Variants in CNBD1 observed in about 807,000 individuals in gnomAD.
CNBD1 encodes cyclic nucleotide binding domain containing 1.
A neutral mutation model predicts 54.4 loss-of-function variants in CNBD1; 71 were observed. The observed-to-expected ratio is 1.30, with a 90% CI of 1.08 to 1.59. The LOEUF is 1.59. Among genes scored for constraint, CNBD1 ranks in the 40% most tolerant of loss-of-function variants. The probability of loss-of-function intolerance (pLI) is 0.00; values close to 1 mark genes in which losing one functional copy is unlikely to be tolerated. For missense variants in CNBD1, 659 were observed against 518.0 expected, an observed-to-expected ratio of 1.27 and a Z score of -2.64; for synonymous variants, 182 against 170.7, an observed-to-expected ratio of 1.07 and a Z score of -0.51.
chr8:87,403,353 C>T (rs1307687300), intron 2 of CNBD1, among the ~76,000 whole-genome samples: 1 of 151,992 alleles, frequency 6.6e-6, no homozygotes, highest in Non-Finnish European at 1.5e-5. Context: ...ATATATGGCA[C>T]TTGTCGTAGA....
chr8:87,084,606 T>C (rs1178138837), intron 4 of CNBD1, among the ~76,000 whole-genome samples: 1 of 152,164 alleles, frequency 6.6e-6, no homozygotes, highest in Non-Finnish European at 1.5e-5. Context: ...TTCTGTCTGC[T>C]TTCAAGATTT....
chr8:86,966,464 A>G (rs895434429), intron 4 of CNBD1, among the ~76,000 whole-genome samples: 2 of 152,044 alleles, frequency 1.3e-5, no homozygotes, highest in African/African-American at 4.8e-5. Flanking sequence ...AGATGTTCAG[A>G]TGTGTCTGGA....
At position 87,327,412 on chromosome 8, in the gene CNBD1, G is replaced by A. The variant is rs542371891; in HGVS notation, c.1043-24273G>A. 1.0e-3 allele frequency among the ~76,000 whole-genome samples: 155 copies of A among 152,172 alleles called. 1 individual carries two copies. Among genetic ancestry groups the A allele is most frequent in the African/African-American group, 3.3e-3 (135 of 41,528 alleles). On this transcript the variant is annotated intron_variant, in intron 8 of 10. Transcript: ENST00000518476. ...GCGCCCCTCCCCCACCCTCGCTGCT[G>A]CCTTGCAGTTTGATCTCAGACTGCT...
At chr8:86,990,018 G>A (rs911482380) in intron 4 of CNBD1, among the ~76,000 whole-genome samples, 7 of 152,028 alleles carry the variant, frequency 4.6e-5, no homozygotes, top group Non-Finnish European at 7.4e-5. Flanking sequence ...TGTCTAATCC[G>A]ATCTTTTGCC....
intron 4 of CNBD1, among the ~76,000 whole-genome samples, chr8:87,097,797 T>A (rs1168417828): frequency 3.3e-5 from 5 of 152,192 alleles, no homozygotes; most frequent in Admixed American, 3.3e-4. Context: ...CCTGCAGTAA[T>A]CAGGAACTAA....
chr8:87,381,874 G>C (rs1049897625), intron 10 of CNBD1, among the ~76,000 whole-genome samples: 1 of 151,900 alleles, frequency 6.6e-6, no homozygotes, highest in Non-Finnish European at 1.5e-5. Context: ...ACTAATCCAT[G>C]GGCATAAAGT....
chr8:87,279,482 G>C (rs1808549527), intron 6 of CNBD1, among the ~76,000 whole-genome samples: 2 of 151,308 alleles, frequency 1.3e-5, no homozygotes, highest in South Asian at 2.1e-4. Flanking sequence ...TACCCTGTAT[G>C]ATTACCCACC....
intron 4 of CNBD1, among the ~76,000 whole-genome samples, chr8:87,087,891 G>T (rs1350852381): frequency 6.6e-6 from 1 of 152,158 alleles, no homozygotes; most frequent in African/African-American, 2.4e-5. Context: ...ACTTGCAAAG[G>T]TCATGCGGTC....
intron 6 of CNBD1, among the ~76,000 whole-genome samples, chr8:87,271,697 A>C (rs572011973): frequency 6.6e-6 from 1 of 152,156 alleles, no homozygotes; most frequent in Non-Finnish European, 1.5e-5. Context: ...AACAGTATAG[A>C]GGTTCCTCAG....
At chr8:87,044,021 G>A (rs1275217823) in intron 4 of CNBD1, among the ~76,000 whole-genome samples, 1 of 152,148 alleles carries the variant, frequency 6.6e-6, no homozygotes, top group African/African-American at 2.4e-5. Context: ...TAATCTCTAT[G>A]ATCTGAGTCA....
chr8:87,343,988 C>A (rs990853193), intron 8 of CNBD1, among the ~76,000 whole-genome samples: 11 of 151,828 alleles, frequency 7.2e-5, no homozygotes, highest in African/African-American at 2.7e-4. Context: ...CTTTTTCATG[C>A]TCTTTGCTTA....
intron 4 of CNBD1, among the ~76,000 whole-genome samples, chr8:86,986,989 C>A (rs1808623542): frequency 6.6e-6 from 1 of 152,068 alleles, no homozygotes; most frequent in Non-Finnish European, 1.5e-5. Flanking sequence ...TTTGGCTATT[C>A]CACTTCATTT....
In CNBD1 at chr8:87,166,329, T is replaced by C. The variant is rs564683714; in HGVS notation, c.432-39664T>C. 7.2e-5 allele frequency among the ~76,000 whole-genome samples: 11 copies of C among 151,966 alleles called. No individual in the cohort carries two copies. The highest frequency in any genetic ancestry group is 2.1e-4 in the South Asian group (1 of 4,832). On this transcript the variant is annotated intron_variant, in intron 4 of 10. Coordinates refer to ENST00000518476, the MANE Select transcript of CNBD1 (RefSeq NM_173538.3). This position sits in a 1 kb window ranked among gnomAD's most constrained non-coding sequence, Gnocchi z 4.3. ...GTCTGCTTGGTTCCATTTTTACTGA[T>C]GTCGCTTGTCTCCAGGTCACCATAG...
intron 8 of CNBD1, among the ~76,000 whole-genome samples, chr8:87,341,873 T>C (rs1441340755): frequency 1.3e-5 from 2 of 152,146 alleles, no homozygotes; most frequent in African/African-American, 2.4e-5. Context: ...TACCCAGTCT[T>C]AGATATTCTA....
intron 1 of CNBD1, among the ~76,000 whole-genome samples, chr8:86,882,280 A>G (rs1465354796): frequency 6.6e-6 from 1 of 152,212 alleles, no homozygotes; most frequent in Non-Finnish European, 1.5e-5. Context: ...TATGCATCTG[A>G]CAAAGGTCTA....
At chr8:87,075,202 A>G (rs1369890125) in intron 4 of CNBD1, among the ~76,000 whole-genome samples, 3 of 152,202 alleles carry the variant, frequency 2.0e-5, no homozygotes, top group Admixed American at 2.0e-4. Context: ...TATATCCTCA[A>G]TTACTAGTGA....
chr8:87,284,082 T>A (rs1808647727), intron 6 of CNBD1, among the ~76,000 whole-genome samples: 1 of 152,086 alleles, frequency 6.6e-6, no homozygotes, highest in African/African-American at 2.4e-5. Flanking sequence ...AAAAATACGC[T>A]CCTTATCCTT....
intron 4 of CNBD1, among the ~76,000 whole-genome samples, chr8:87,101,586 T>A (rs566294857): frequency 6.6e-6 from 1 of 152,270 alleles, no homozygotes; most frequent in African/African-American, 2.4e-5. Context: ...ATGGAACAAC[T>A]TGACAAAATG....
chr8:87,262,155 AAC>A (rs1808154444), intron 6 of CNBD1, among the ~76,000 whole-genome samples: 1 of 152,148 alleles, frequency 6.6e-6, no homozygotes, highest in South Asian at 2.1e-4. Context: ...CCCTGTCTAA[AAC>A]ACACAAACAA....
Sources: allele counts gnomAD v4.1 joint callset (sites outside exome capture counted in the v4.1 genomes callset), GRCh38; gene constraint gnomAD v4.1.1; non-coding constraint Gnocchi (gnomAD v3.1); transcripts MANE v1.5; gene names NCBI Gene and HGNC (gene_info 2026-07-23, HGNC 2026-07-21).